SEL1L2: variants seen among roughly 807,000 people sequenced by gnomAD.
SEL1L2 encodes protein sel-1 homolog 2.
SEL1L2 carries 89 observed loss-of-function variants against 98.8 expected under a neutral mutation model. The ratio of observed to expected loss-of-function variants is 0.90; its 90% CI spans 0.76 to 1.07. The LOEUF (loss-of-function observed/expected upper bound fraction) is 1.07. Ranked by LOEUF, SEL1L2 falls within the 50% of genes least tolerant of loss-of-function variation. The pLI, the probability that SEL1L2 is intolerant of heterozygous loss-of-function variation, is 0.00. For missense variants in SEL1L2, 788 were observed against 812.0 expected, an observed-to-expected ratio of 0.97 and a Z score of 0.36; for synonymous variants, 262 against 278.5, an observed-to-expected ratio of 0.94 and a Z score of 0.59.
chr20:13,948,234 C>CTTT (rs36040998), intron 2 of SEL1L2, among the ~76,000 whole-genome samples: 11 of 149,132 alleles, frequency 7.4e-5, no homozygotes, highest in African/African-American at 2.7e-4. Flanking sequence ...ATCCCAATGG[C>CTTT]TTTTTTTTTT....
At chr20:13,985,338 C>A (rs1310461725) in intron 1 of SEL1L2, among the ~76,000 whole-genome samples, 1 of 152,188 alleles carries the variant, frequency 6.6e-6, no homozygotes, top group Non-Finnish European at 1.5e-5. Context: ...AGACAATGCT[C>A]TTTCATTCCT....
rs570494183 is a variant in SEL1L2, at chr20:13,865,343, T to C, written c.1570+6A>G. Reference sequence around the variant, plus strand: ...GGGGATTGCAGAGAATTTTAACTCATCTTACTAGATTCCAAAATGAATGCT... The same window carrying C: ...GGGGATTGCAGAGAATTTTAACTCACCTTACTAGATTCCAAAATGAATGCT... On this transcript the variant is annotated splice_donor_region_variant and intron_variant, in intron 16 of 19. Coordinates refer to ENST00000284951, the MANE Select transcript of SEL1L2 (RefSeq NM_025229.2). The C allele has an allele frequency of 1.9e-6, 3 of 1,613,886 alleles. No individual in the cohort carries two copies. Among genetic ancestry groups the C allele is most frequent in the Admixed American group, 1.7e-5 (1 of 59,988 alleles).
intron 11 of SEL1L2, among the ~76,000 whole-genome samples, chr20:13,876,473 C>T (rs1239299553): frequency 6.7e-6 from 1 of 148,968 alleles, no homozygotes; most frequent in Non-Finnish European, 1.5e-5. Flanking sequence ...GGACATTCGT[C>T]CCTATGGTTA....
chr20:13,851,929 T>TATGGTCTG (rs1342018141), intron 18 of SEL1L2, among the ~76,000 whole-genome samples: 1 of 152,214 alleles, frequency 6.6e-6, no homozygotes, highest in Non-Finnish European at 1.5e-5. Flanking sequence ...TCCAAAGCTT[T>TATGGTCTG]ATGGTCTGGT....
chr20:13,959,622 C>T (rs111678775), intron 1 of SEL1L2, among the ~76,000 whole-genome samples: 3,551 of 152,298 alleles, frequency 0.023, 54 homozygotes, highest in Non-Finnish European at 0.038. Flanking sequence ...CAACCGACTA[C>T]CACTTCTTCA....
At chr20:13,937,375 G>A (rs2049507019) in intron 2 of SEL1L2, among the ~76,000 whole-genome samples, 1 of 152,232 alleles carries the variant, frequency 6.6e-6, no homozygotes, top group South Asian at 2.1e-4. Flanking sequence ...CGCACTGGGG[G>A]AAGTGGGTGG....
intron 5 of SEL1L2, among the ~76,000 whole-genome samples, chr20:13,901,815 C>G (rs552696277): frequency 2.0e-5 from 3 of 151,974 alleles, no homozygotes; most frequent in African/African-American, 7.3e-5. Context: ...GCGCCCGCCA[C>G]CACGCCCGGC....
chr20:13,945,384 A>C (rs185045100), intron 2 of SEL1L2, among the ~76,000 whole-genome samples: 1 of 152,044 alleles, frequency 6.6e-6, no homozygotes, highest in Admixed American at 6.5e-5. Context: ...GTATTCTATA[A>C]TATGTGAGGG....
rs1197815770 is a variant in SEL1L2 at position 13,919,058 on chromosome 20, C to A, written c.349G>T (p.Val117Phe). ...GDQLFKMGIK[V>F]LQQSKSQKQK... ...TTTTGGCTTTTAGACTGCTGGAGAA[C>A]CTTGATGCCCATCTTAAATAGCTGG... Residue 117 changes from valine to phenylalanine, a missense_variant, in exon 4 of 20, where the codon GTT (valine) becomes TTT (phenylalanine). Val to Phe is a conservative substitution (Grantham distance 50, BLOSUM62 -1). Transcript: ENST00000284951. 5 of 1,613,658 alleles carry A rather than the reference C, an allele frequency of 3.1e-6. No individual in the cohort carries two copies. The Admixed American group carries it at 5.0e-5, about 16-fold the overall frequency.
intron 5 of SEL1L2, among the ~76,000 whole-genome samples, chr20:13,899,982 T>C (rs1165598288): frequency 6.6e-6 from 1 of 152,212 alleles, no homozygotes; most frequent in Admixed American, 6.5e-5. Flanking sequence ...TGGATTCTTA[T>C]TAAGGCATTT....
chr20:13,853,403 G>A (rs900797995), intron 18 of SEL1L2, among the ~76,000 whole-genome samples: 4 of 151,132 alleles, frequency 2.6e-5, no homozygotes, highest in African/African-American at 9.7e-5. Flanking sequence ...TTGTAGAGAC[G>A]GGGTTTCACC....
At chr20:13,939,032 CTTGTT>C (rs779841262) in intron 2 of SEL1L2, among the ~76,000 whole-genome samples, 800 of 65,558 alleles carry the variant, frequency 0.012, 48 homozygotes, top group African/African-American at 0.046. Context: ...GGTTTGTTTG[CTTGTT>C]TTGTTTTTTT....
intron 1 of SEL1L2, among the ~76,000 whole-genome samples, chr20:13,977,267 A>C (rs2051586407): frequency 6.6e-6 from 1 of 152,196 alleles, no homozygotes; most frequent in Non-Finnish European, 1.5e-5. Flanking sequence ...AGAGCAAGAA[A>C]GCCAAGCACC....
intron 13 of SEL1L2, 22 bp from the exon 14 acceptor site, chr20:13,869,612 T>C: frequency 1.3e-6 from 2 of 1,587,942 alleles, no homozygotes; most frequent in Non-Finnish European, 1.7e-6. Context: ...TTACACTCTA[T>C]TACTCAAAGG....
At chr20:13,980,191 G>A (rs1048714311) in intron 1 of SEL1L2, among the ~76,000 whole-genome samples, 8 of 152,162 alleles carry the variant, frequency 5.3e-5, no homozygotes, top group Non-Finnish European at 1.2e-4. Context: ...GATGAAAGAT[G>A]AGAAGTGTTG....
intron 3 of SEL1L2, among the ~76,000 whole-genome samples, chr20:13,922,155 A>G (rs1259984709): frequency 2.0e-5 from 3 of 152,366 alleles, no homozygotes; most frequent in Non-Finnish European, 4.4e-5. Context: ...ATAATGCATT[A>G]TTATATAATT....
At position 13,902,037 on chromosome 20, in the gene SEL1L2, T is replaced by G. The variant is rs146541819; in HGVS notation, c.549+11745A>C. Among the ~76,000 whole-genome samples the G allele has an allele frequency of 1.2e-3, 181 of 152,278 alleles. 1 individual carries two copies. The highest frequency in any genetic ancestry group is 4.0e-3 in the African/African-American group (166 of 41,556). ...AATTTCCAGAAAAAGGGTAGTAATT[T>G]CTGGGTTGTCAGCTCATTGCCACGG... On this transcript the variant is annotated intron_variant, in intron 5 of 19. Transcript: ENST00000284951.
At chr20:13,968,948 G>C (rs1332938970) in intron 1 of SEL1L2, among the ~76,000 whole-genome samples, 1 of 152,156 alleles carries the variant, frequency 6.6e-6, no homozygotes, top group Non-Finnish European at 1.5e-5. Context: ...TATTGACTTA[G>C]TTAATTCTAT....
intron 1 of SEL1L2, among the ~76,000 whole-genome samples, chr20:13,962,300 A>G (rs959636115): frequency 6.6e-6 from 1 of 152,158 alleles, no homozygotes; most frequent in African/African-American, 2.4e-5. Context: ...TGCCGTTTTG[A>G]CTTTCTTTGA....
Sources: allele counts gnomAD v4.1 joint callset (sites outside exome capture counted in the v4.1 genomes callset), GRCh38; gene constraint gnomAD v4.1.1; transcripts MANE v1.5; gene names NCBI Gene and HGNC (gene_info 2026-07-23, HGNC 2026-07-21).